Variants in TXNRD2 observed in about 807,000 individuals in gnomAD.
The protein encoded by TXNRD2 is thioredoxin reductase 2.
A neutral mutation model predicts 70.8 loss-of-function variants in TXNRD2; 67 were observed. The ratio of observed to expected loss-of-function variants is 0.95; its 90% CI spans 0.78 to 1.16. The LOEUF is 1.16. Among genes scored for constraint, TXNRD2 ranks in the 50% most tolerant of loss-of-function variants. The pLI, the probability that TXNRD2 is intolerant of heterozygous loss-of-function variation, is 0.00. For synonymous variants in TXNRD2, 301 were observed against 295.8 expected, an observed-to-expected ratio of 1.02 and a Z score of -0.18; for missense variants, 644 against 719.9, an observed-to-expected ratio of 0.89 and a Z score of 1.21.
rs138186172 is a variant in TXNRD2 at position 19,934,561 on chromosome 22, T to A, written c.104-3463A>T. 5.7e-3 allele frequency among the ~76,000 whole-genome samples: 808 copies of A among 140,910 alleles called. 9 individuals are homozygous for A. Among genetic ancestry groups the A allele is most frequent in the African/African-American group, 0.019 (738 of 39,154 alleles). 92.4% of individuals were successfully genotyped at this position (140,910 alleles called of 152,430 possible). On this transcript the variant is annotated intron_variant, in intron 1 of 17. Coordinates refer to ENST00000400521, the MANE Select transcript of TXNRD2 (RefSeq NM_006440.5). The stretch of plus-strand genomic sequence containing the variant: ...AATTCCCAAGTAATACTTTTATACT[T>A]TTTTCTTTTTTTTTTTTTTGAGGCA...
At chr22:19,895,111 A>C in intron 11 of TXNRD2, 1 of 1,598,422 alleles carries the variant, frequency 6.3e-7, no homozygotes, top group Non-Finnish European at 8.5e-7. Flanking sequence ...ATCCTCGATG[A>C]GGACACCTGG....
Position 19,880,772 on chromosome 22 carries a change from C to A in TXNRD2, c.1087-55G>T, listed in dbSNP as rs1321823273. 3.1e-6 allele frequency: 4 copies of A among 1,297,360 alleles called. No individual in the cohort carries two copies. In the South Asian group the frequency reaches 4.8e-5, roughly 15 times the overall value. 80.4% of individuals were successfully genotyped at this position (1,297,360 alleles called of 1,614,324 possible). On this transcript the variant is annotated intron_variant, in intron 12 of 17. Coordinates refer to ENST00000400521, the MANE Select transcript of TXNRD2 (RefSeq NM_006440.5). ...GCACCATGTCCGGGGTTATATGCAG[C>A]CCCTATGCCATCACCCTTTGCCCTC...
At chr22:19,924,334 C>T (rs189203681) in intron 2 of TXNRD2, among the ~76,000 whole-genome samples, 259 of 152,250 alleles carry the variant, frequency 1.7e-3, no homozygotes, top group Middle Eastern at 3.4e-3. Flanking sequence ...GCCACATAGC[C>T]ACATCTCCCG....
At chr22:19,887,015 G>A (rs538959994) in intron 11 of TXNRD2, among the ~76,000 whole-genome samples, 23 of 152,332 alleles carry the variant, frequency 1.5e-4, no homozygotes, top group Admixed American at 2.6e-4. Flanking sequence ...GGCAGGCGGC[G>A]CACAGCACTC....
chr22:19,892,858 T>C (rs1939328469), intron 11 of TXNRD2, among the ~76,000 whole-genome samples: 1 of 152,210 alleles, frequency 6.6e-6, no homozygotes, highest in South Asian at 2.1e-4. Context: ...ATCAGTACAC[T>C]CCAGAGTCCA....
intron 1 of TXNRD2, among the ~76,000 whole-genome samples, chr22:19,932,894 C>A (rs1941418984): frequency 6.6e-6 from 1 of 152,172 alleles, no homozygotes; most frequent in Non-Finnish European, 1.5e-5. Context: ...GCCACCTCCA[C>A]CTTCCTAGGC....
chr22:19,921,544 G>T (rs766290428), intron 2 of TXNRD2, among the ~76,000 whole-genome samples: 1 of 152,030 alleles, frequency 6.6e-6, no homozygotes, highest in Non-Finnish European at 1.5e-5. Flanking sequence ...ATGAAACAAC[G>T]GGCTTTCAGG....
chr22:19,910,771 T>A (rs1354657936), intron 8 of TXNRD2, among the ~76,000 whole-genome samples: 1 of 151,980 alleles, frequency 6.6e-6, no homozygotes, highest in African/African-American at 2.4e-5. Context: ...CTATGCTCGG[T>A]TAATATTTTC....
chr22:19,887,586 C>A (rs1184783993), intron 11 of TXNRD2: 2 of 152,376 alleles, frequency 1.3e-5, no homozygotes, highest in African/African-American at 4.8e-5. Context: ...AGGCACCACA[C>A]CTGTACCATC....
At chr22:19,916,182 CA>C (rs1315559313) in intron 5 of TXNRD2, 2 of 355,108 alleles carry the variant, frequency 5.6e-6, no homozygotes, top group East Asian at 1.4e-4. Flanking sequence ...ATCACCCGGA[CA>C]TGTTCCAGCA....
intron 1 of TXNRD2, among the ~76,000 whole-genome samples, chr22:19,940,964 C>T (rs1406841176): frequency 6.6e-6 from 1 of 152,218 alleles, no homozygotes; most frequent in Non-Finnish European, 1.5e-5. Flanking sequence ...GCCGCCATCC[C>T]TGGGAAGGAG....
At chr22:19,929,228 G>C (rs1941268663) in intron 2 of TXNRD2, among the ~76,000 whole-genome samples, 1 of 151,060 alleles carries the variant, frequency 6.6e-6, no homozygotes, top group Non-Finnish European at 1.5e-5. Flanking sequence ...TCGGGAGGCT[G>C]AGACAGGAGA....
chr22:19,878,484 C>A, intron 14 of TXNRD2, 47 bp from the exon 15 acceptor site: 1 of 1,538,912 alleles, frequency 6.5e-7, no homozygotes, highest in Non-Finnish European at 9.0e-7. Context: ...ACAAACAAAC[C>A]TCGTGGCACC....
intron 2 of TXNRD2, among the ~76,000 whole-genome samples, chr22:19,925,066 C>CCTG (rs1319474377): frequency 1.3e-5 from 2 of 149,802 alleles, no homozygotes; most frequent in African/African-American, 5.0e-5. Context: ...GGGCGGATCA[C>CCTG]AAGGTCAGGA....
At chr22:19,880,586 C>T (rs1938722682) in intron 13 of TXNRD2, 36 bp downstream of exon 13, 1 of 1,584,404 alleles carries the variant, frequency 6.3e-7, no homozygotes, top group Non-Finnish European at 8.7e-7. Flanking sequence ...CTCAGCCTGT[C>T]CTAGGCTGCA....
chr22:19,894,752 G>A (rs566101661), intron 11 of TXNRD2: 41 of 284,072 alleles, frequency 1.4e-4, no homozygotes, highest in African/African-American at 8.8e-4. Flanking sequence ...TACTTTGGGA[G>A]GCCAAGGCAG....
intron 8 of TXNRD2, among the ~76,000 whole-genome samples, chr22:19,907,486 GT>G: frequency 2.2e-5 from 1 of 46,064 alleles, no homozygotes; most frequent in Non-Finnish European, 4.2e-5. Flanking sequence ...TCAGGAGAGT[GT>G]GGGTGCACCG....
chr22:19,927,077 T>G (rs543446960), intron 2 of TXNRD2, among the ~76,000 whole-genome samples: 2 of 152,104 alleles, frequency 1.3e-5, no homozygotes, highest in African/African-American at 4.8e-5. Context: ...GCGGATCACC[T>G]GAGGTCAGGA....
intron 8 of TXNRD2, among the ~76,000 whole-genome samples, chr22:19,901,936 T>C (rs1256290005): frequency 6.6e-6 from 1 of 152,154 alleles, no homozygotes; most frequent in Non-Finnish European, 1.5e-5. Flanking sequence ...CGGTGGGTCA[T>C]GTGTGCAATC....
Sources: allele counts gnomAD v4.1 joint callset (sites outside exome capture counted in the v4.1 genomes callset), GRCh38; gene constraint gnomAD v4.1.1; transcripts MANE v1.5; gene names NCBI Gene and HGNC (gene_info 2026-07-23, HGNC 2026-07-21).